SORL1: variants seen among roughly 807,000 people sequenced by gnomAD.
SORL1 encodes sortilin related receptor 1.
Under a neutral mutation model 273.7 loss-of-function variants are expected in SORL1, and 127 were observed. That is an observed-to-expected ratio of 0.46 (90% confidence interval 0.40 to 0.54). SORL1 has a LOEUF of 0.54. SORL1 is among the 20% of genes least tolerant of loss of function. SORL1 has a pLI of 0.00. For synonymous variants in SORL1, 1,031 were observed against 1,067.4 expected, an observed-to-expected ratio of 0.97 and a Z score of 0.66; for missense variants, 2,494 against 2,846.1, an observed-to-expected ratio of 0.88 and a Z score of 2.81.
chr11:121,538,312 C>T (rs1017909411), intron 12 of SORL1, among the ~76,000 whole-genome samples: 8 of 152,064 alleles, frequency 5.3e-5, no homozygotes, highest in Admixed American at 4.6e-4. Context: ...AGAAAATACT[C>T]ACGTGCCCCT....
intron 6 of SORL1, among the ~76,000 whole-genome samples, chr11:121,498,836 A>G (rs2009383): frequency 0.43 from 64,945 of 151,242 alleles, 14,500 homozygotes; most frequent in Middle Eastern, 0.56. Flanking sequence ...AAATCATGCC[A>G]TTGCACTCCA....
chr11:121,555,442 C>CT, intron 18 of SORL1, 124 bp downstream of exon 18: 1 of 1,243,774 alleles, frequency 8.0e-7, no homozygotes, highest in Non-Finnish European at 1.1e-6. Flanking sequence ...CTGCGAGTTT[C>CT]CAGAGAATGG....
chr11:121,514,045 A>G, intron 7 of SORL1, 107 bp from the exon 8 acceptor site: 1 of 1,286,152 alleles, frequency 7.8e-7, no homozygotes, highest in Non-Finnish European at 1.1e-6. Flanking sequence ...CTTTAGGCCA[A>G]CATTCATCGC....
chr11:121,510,104 A>G (rs1028924780), intron 6 of SORL1, among the ~76,000 whole-genome samples: 1 of 152,234 alleles, frequency 6.6e-6, no homozygotes, highest in African/African-American at 2.4e-5. Context: ...TAAAGTGCCC[A>G]CCAATAGCTG....
intron 22 of SORL1, among the ~76,000 whole-genome samples, chr11:121,569,473 G>A (rs975095785): frequency 1.2e-4 from 18 of 152,352 alleles, no homozygotes; most frequent in South Asian, 6.2e-4. Flanking sequence ...CCCTGAGAAA[G>A]AGAATGCGTC....
chr11:121,502,524 G>T (rs1193387195), intron 6 of SORL1, among the ~76,000 whole-genome samples: 1 of 152,154 alleles, frequency 6.6e-6, no homozygotes, highest in Admixed American at 6.5e-5. Flanking sequence ...AAATGTATTA[G>T]GGTGTAGTTT....
chr11:121,557,282 A>G, intron 18 of SORL1, 32 bp from the exon 19 acceptor site: 3 of 1,528,626 alleles, frequency 2.0e-6, no homozygotes, highest in Non-Finnish European at 2.7e-6. Context: ...GCTCCGATCC[A>G]TCTCAGCCTC....
chr11:121,596,359 A>T lies in SORL1; in HGVS notation c.4519+587A>T, dbSNP rs2134909078. ...GGTCCTGGTGTTTGGTCCTCTGATGAACCCAGGGAGGATCTTTGCAGTGAG... is the reference window on the plus strand; with the variant it reads ...GGTCCTGGTGTTTGGTCCTCTGATGTACCCAGGGAGGATCTTTGCAGTGAG... On this transcript the variant is annotated intron_variant, in intron 32 of 47. Transcript: ENST00000260197. The surrounding 1 kb of genome is among the most constrained non-coding windows in gnomAD (Gnocchi z 4.3). 6.6e-6 allele frequency among the ~76,000 whole-genome samples: 1 copy of T among 152,280 alleles called. No homozygotes were observed. Among genetic ancestry groups the T allele is most frequent in the South Asian group, 2.1e-4 (1 of 4,818 alleles).
Position 121,619,782 on chromosome 11 carries a change from A to G in SORL1, c.5754A>G (p.Pro1918=), listed in dbSNP as rs2134945963. The G allele has an allele frequency of 1.2e-6, 2 of 1,614,190 alleles. No homozygotes were observed. The highest frequency in any genetic ancestry group is 1.7e-6 in the Non-Finnish European group (2 of 1,180,026). ...LVRVVVPYQG[P]SSDYVVVKMI... ...GTGTAGTGGTACCCTACCAGGGGCC[A>G]TCCTCTGACTACGTTGTAGTGAAGA... The change falls in exon 43 of 48, where the codon CCA becomes CCG. Residue 1918 remains proline (P), a synonymous_variant. Transcript: ENST00000260197.
rs1249269957 is a variant in SORL1, at chr11:121,618,775, T to G, written c.5606T>G (p.Val1869Gly). Residue 1869 changes from valine to glycine, a missense_variant and splice_region_variant, in exon 42 of 48, where the codon GTT (valine) becomes GGT (glycine). Val to Gly is a moderately radical substitution (Grantham distance 109, BLOSUM62 -3). Around this residue, in one of 3 missense-constraint regions of SORL1, gnomAD observed 1,609 missense variants for 1,816.4 expected, o/e 0.89. Coordinates refer to ENST00000260197, the MANE Select transcript of SORL1 (RefSeq NM_003105.6). The part of the protein sequence containing the change: ...ECTWTGPRNV[V>G]YGIFYATSFL... ...TCTTCCATTCTCTGCTTTTACCAGG[T>G]TTATGGTATTTTCTATGCCACGTCC... is the stretch of plus-strand genomic sequence containing the variant. The G allele has an allele frequency of 6.2e-7, 1 of 1,613,922 alleles. No homozygotes were observed. The highest frequency in any genetic ancestry group is 8.5e-7 in the Non-Finnish European group (1 of 1,179,970).
At chr11:121,555,402 G>A (rs767557454) in intron 18 of SORL1, 84 bp downstream of exon 18, 2 of 1,531,268 alleles carry the variant, frequency 1.3e-6, no homozygotes, top group Non-Finnish European at 1.8e-6. Context: ...AGAGGCAAGG[G>A]CCAGTGTGTC....
At chr11:121,613,989 A>G (rs1358578113) in intron 40 of SORL1, among the ~76,000 whole-genome samples, 1 of 152,224 alleles carries the variant, frequency 6.6e-6, no homozygotes, top group Non-Finnish European at 1.5e-5. Flanking sequence ...CCATCTTACA[A>G]ACAAGGAAAT....
At chr11:121,613,757 GATTGGAACCC>G (rs907258037) in intron 40 of SORL1, among the ~76,000 whole-genome samples, 9 of 152,214 alleles carry the variant, frequency 5.9e-5, no homozygotes, top group Non-Finnish European at 1.2e-4. Context: ...GCAGAGCCAG[GATTGGAACCC>G]ACATCTTTCT....
rs142001120 is a variant in SORL1, at chr11:121,596,510, G to A, written c.4519+738G>A. ...TGTCCTACTGTAGCAGACTTGGGAG[G>A]GCATGGCTGGACGGTGCTTATGCAG... On this transcript the variant is annotated intron_variant, in intron 32 of 47. Coordinates refer to ENST00000260197, the MANE Select transcript of SORL1 (RefSeq NM_003105.6). The surrounding 1 kb of genome is among the most constrained non-coding windows in gnomAD (Gnocchi z 4.3). Among the ~76,000 whole-genome samples, 5 of 152,320 alleles carry A rather than the reference G, an allele frequency of 3.3e-5. No individual in the cohort carries two copies. The East Asian group carries it at 7.7e-4, about 24-fold the overall frequency.
rs774648653 is a variant in SORL1, at chr11:121,543,708, A to G, written c.1846A>G (p.Asn616Asp). Reference protein sequence around the residue: ...NVHSWLILQVNATDALGVPCT... With the variant: ...NVHSWLILQVDATDALGVPCT... ...CCACAGCTGGCTGATCCTCCAGGTCAATGCCACGGATGCCTTGGGTAAGCT... is the reference window on the plus strand; with the variant it reads ...CCACAGCTGGCTGATCCTCCAGGTCGATGCCACGGATGCCTTGGGTAAGCT... The change falls in exon 13 of 48, where the codon AAT becomes GAT. Residue 616 changes from asparagine (N) to aspartate (D), a missense_variant. Asn to Asp is a conservative substitution (Grantham distance 23). This residue lies in a region of SORL1 where 710 missense variants were observed against 882.5 expected (regional missense o/e 0.80). Coordinates refer to ENST00000260197, the MANE Select transcript of SORL1 (RefSeq NM_003105.6). 1.2e-6 allele frequency: 2 copies of G among 1,613,104 alleles called. No homozygotes were observed. The highest frequency in any genetic ancestry group is 1.7e-6 in the Non-Finnish European group (2 of 1,179,544).
rs867028616 is a variant in SORL1, at chr11:121,601,345, C to T, written c.4520-2848C>T. On this transcript the variant is annotated intron_variant, in intron 32 of 47. Coordinates refer to ENST00000260197, the MANE Select transcript of SORL1 (RefSeq NM_003105.6). Reference sequence around the variant, plus strand: ...AAGTCTTTGCTATTGTGAATAATGCCGCAATAAACATACGTGTGCATGTGT... The same window carrying T: ...AAGTCTTTGCTATTGTGAATAATGCTGCAATAAACATACGTGTGCATGTGT... Among the ~76,000 whole-genome samples, 64 of 145,316 alleles carry T rather than the reference C, an allele frequency of 4.4e-4. 1 individual carries two copies. Among genetic ancestry groups the T allele is most frequent in the Middle Eastern group, 6.9e-3 (2 of 290 alleles).
At chr11:121,615,572 A>G (rs1162916153) in intron 41 of SORL1, among the ~76,000 whole-genome samples, 1 of 152,036 alleles carries the variant, frequency 6.6e-6, no homozygotes, top group East Asian at 1.9e-4. Context: ...CCTTGAAGGG[A>G]AGGATTGTTT....
chr11:121,559,101 T>A (rs1419686187), intron 20 of SORL1, among the ~76,000 whole-genome samples: 2 of 152,220 alleles, frequency 1.3e-5, no homozygotes, highest in Non-Finnish European at 2.9e-5. Context: ...CCCCTCAGTG[T>A]CAGTAGCCTC....
chr11:121,500,549 A>G (rs1221048049), intron 6 of SORL1, among the ~76,000 whole-genome samples: 1 of 152,188 alleles, frequency 6.6e-6, no homozygotes, highest in Non-Finnish European at 1.5e-5. Context: ...TTTCATGCCC[A>G]GTGGTAGAGT....
Sources: allele counts gnomAD v4.1 joint callset (sites outside exome capture counted in the v4.1 genomes callset), GRCh38; gene constraint gnomAD v4.1.1; regional missense constraint gnomAD v4.1.1; non-coding constraint Gnocchi (gnomAD v3.1); transcripts MANE v1.5; gene names NCBI Gene and HGNC (gene_info 2026-07-23, HGNC 2026-07-21).